Variants in RGS3 observed in about 807,000 individuals in gnomAD.
RGS3 encodes the protein regulator of G-protein signalling 3.
A neutral mutation model predicts 132.6 loss-of-function variants in RGS3; 80 were observed. The observed-to-expected ratio is 0.60, with a 90% CI of 0.50 to 0.73. RGS3 has a LOEUF of 0.73. RGS3 is among the 30% of genes least tolerant of loss of function. The pLI is 0.00. For missense variants in RGS3, 1,382 were observed against 1,530.8 expected (o/e 0.90, Z 1.62); for synonymous variants, 598 against 620.6 (o/e 0.96, Z 0.54).
At chr9:113,448,080 A>G (rs1588123370) in intron 1 of RGS3, among the ~76,000 whole-genome samples, 1 of 150,316 alleles carries the variant, frequency 6.7e-6, no homozygotes, top group South Asian at 2.1e-4. Flanking sequence ...CTGATCTCAA[A>G]CTCCTGGGCT....
At chr9:113,449,757 T>G (rs1260554558) in intron 1 of RGS3, among the ~76,000 whole-genome samples, 1 of 152,228 alleles carries the variant, frequency 6.6e-6, no homozygotes, top group Non-Finnish European at 1.5e-5. Context: ...TAATTTTATT[T>G]TTTGAGACAG....
chr9:113,514,900 C>T (rs562858115), intron 15 of RGS3, among the ~76,000 whole-genome samples: 1 of 152,310 alleles, frequency 6.6e-6, no homozygotes, highest in South Asian at 2.1e-4. Flanking sequence ...CCTTCCCCCA[C>T]CTCGCCTCCC....
At chr9:113,497,331 C>T (rs1247467848) in exon 9 of RGS3, 3 of 1,612,876 alleles carry the variant, frequency 1.9e-6, no homozygotes, top group East Asian at 4.5e-5. Context: ...GTGGTTGGTA[C>T]TACCTCCTAG....
At chr9:113,461,367 C>T (rs1829466932) in intron 1 of RGS3, among the ~76,000 whole-genome samples, 1 of 152,124 alleles carries the variant, frequency 6.6e-6, no homozygotes, top group Admixed American at 6.5e-5. Context: ...TGCTTTTGGA[C>T]AGCAGTGTGG....
intron 3 of RGS3, among the ~76,000 whole-genome samples, chr9:113,469,653 T>G (rs1362765319): frequency 6.6e-6 from 1 of 152,198 alleles, no homozygotes; most frequent in Non-Finnish European, 1.5e-5. Context: ...TTTCTAGTAT[T>G]TAGAAGACGC....
At chr9:113,480,545 G>A (rs892723533) in intron 4 of RGS3, among the ~76,000 whole-genome samples, 6 of 152,144 alleles carry the variant, frequency 3.9e-5, no homozygotes, top group Admixed American at 2.6e-4. Flanking sequence ...GAACACCAAG[G>A]AGAAGCACCC....
chr9:113,569,455 A>G (rs1834166780), intron 19 of RGS3, among the ~76,000 whole-genome samples: 2 of 152,052 alleles, frequency 1.3e-5, no homozygotes, highest in African/African-American at 4.8e-5. Flanking sequence ...GTTGGAAGCA[A>G]TGTTCAGCCA....
At chr9:113,555,506 C>T (rs1383720949) in intron 19 of RGS3, among the ~76,000 whole-genome samples, 4 of 151,060 alleles carry the variant, frequency 2.6e-5, no homozygotes, top group Non-Finnish European at 4.4e-5. Flanking sequence ...CTCGCTCTGT[C>T]GCCCAGGCTG....
At chr9:113,587,288 C>T (rs1032029598) in intron 20 of RGS3, among the ~76,000 whole-genome samples, 1 of 152,222 alleles carries the variant, frequency 6.6e-6, no homozygotes, top group African/African-American at 2.4e-5. Context: ...TTCTATCTTC[C>T]TGGCTTTGGC....
intron 19 of RGS3, among the ~76,000 whole-genome samples, chr9:113,561,086 T>C (rs566350352): frequency 6.6e-6 from 1 of 152,088 alleles, no homozygotes; most frequent in Non-Finnish European, 1.5e-5. Context: ...TGCAGTGATG[T>C]GATCTCGGCT....
At chr9:113,482,046 CAAAA>C (rs1234435107) in intron 4 of RGS3, among the ~76,000 whole-genome samples, 3 of 95,044 alleles carry the variant, frequency 3.2e-5, no homozygotes, top group African/African-American at 1.2e-4. Flanking sequence ...AACTCCATCT[CAAAA>C]AAAAAAAAAA....
chr9:113,534,006 A>G lies in RGS3; in HGVS notation c.1915-2790A>G, dbSNP rs566420463. Among the ~76,000 whole-genome samples, 5 of 152,308 alleles carry G rather than the reference A, an allele frequency of 3.3e-5. No homozygotes were observed. In the East Asian group the frequency reaches 9.6e-4, roughly 29 times the overall value. The stretch of plus-strand genomic sequence containing the variant: ...GCAGGGCTTTCTTTCCTCTTTCCCC[A>G]GATGCTCTTAGGAAGATCAACTTCT... On this transcript the variant is annotated intron_variant, in intron 18 of 24. Transcript: ENST00000350696.
intron 3 of RGS3, among the ~76,000 whole-genome samples, chr9:113,478,483 A>G (rs1830063474): frequency 6.6e-6 from 1 of 151,926 alleles, no homozygotes; most frequent in Non-Finnish European, 1.5e-5. Context: ...TACATACCCT[A>G]TGTATTGTTC....
intron 18 of RGS3, 77 bp downstream of exon 16, chr9:113,529,341 G>A: frequency 8.0e-7 from 1 of 1,246,556 alleles, no homozygotes; most frequent in Non-Finnish European, 1.2e-6. Context: ...CTGGGATCTA[G>A]ACCAGTGTTC....
chr9:113,584,362 A>G (rs749390760), exon 20 of RGS3: 4 of 1,568,868 alleles, frequency 2.5e-6, no homozygotes, highest in South Asian at 1.2e-5. Flanking sequence ...CACCCTCAAG[A>G]AAGAGCTGGG....
intron 19 of RGS3, among the ~76,000 whole-genome samples, chr9:113,540,874 T>C (rs992081071): frequency 1.3e-4 from 20 of 152,358 alleles, no homozygotes; most frequent in African/African-American, 4.8e-4. Flanking sequence ...ATTAAGAGGC[T>C]TCTTGTGAGG....
At chr9:113,569,825 G>C (rs1019321501) in intron 19 of RGS3, among the ~76,000 whole-genome samples, 1 of 152,112 alleles carries the variant, frequency 6.6e-6, no homozygotes, top group Non-Finnish European at 1.5e-5. Context: ...GACTCCCCAG[G>C]GAAGCACTCA....
chr9:113,552,408 C>G (rs1259761471), intron 19 of RGS3, among the ~76,000 whole-genome samples: 7 of 152,150 alleles, frequency 4.6e-5, no homozygotes, highest in African/African-American at 1.7e-4. Flanking sequence ...GACCCGCCTC[C>G]CGGGTTCACG....
chr9:113,569,277 G>A (rs1226075946), intron 19 of RGS3, among the ~76,000 whole-genome samples: 1 of 152,198 alleles, frequency 6.6e-6, no homozygotes, highest in Non-Finnish European at 1.5e-5. Context: ...CGGGGACTCA[G>A]GGAAGGGTGG....
Sources: gnomAD v4.1 joint callset for allele counts (sites outside exome capture counted in the v4.1 genomes callset) on GRCh38, gnomAD v4.1.1 for gene constraint, MANE v1.5 for transcripts, NCBI Gene and HGNC (gene_info 2026-07-23, HGNC 2026-07-21) for gene names.